Variants in SPTLC2 observed in about 807,000 individuals in gnomAD.
SPTLC2 encodes the protein serine palmitoyltransferase 2.
Under a neutral mutation model 62.0 loss-of-function variants are expected in SPTLC2, and 21 were observed. That is an observed-to-expected ratio of 0.34 (90% CI 0.24 to 0.49). The LOEUF (loss-of-function observed/expected upper bound fraction) is 0.49, where lower values mean the gene tolerates loss of function less well. SPTLC2 is among the 20% of genes least tolerant of loss of function. The pLI is 0.99. For synonymous variants in SPTLC2, 261 were observed against 261.8 expected (o/e 1.00, Z 0.03); for missense variants, 511 against 713.0 (o/e 0.72, Z 3.23).
intron 11 of SPTLC2, among the ~76,000 whole-genome samples, chr14:77,513,517 ATTTAAG>A (rs745476059): frequency 6.6e-6 from 1 of 152,190 alleles, no homozygotes; most frequent in Non-Finnish European, 1.5e-5. Flanking sequence ...CATGGAAACA[ATTTAAG>A]TCTGAAATTA....
chr14:77,534,608 T>A (rs4903597), intron 9 of SPTLC2, among the ~76,000 whole-genome samples: 2 of 67,994 alleles, frequency 2.9e-5, no homozygotes, highest in African/African-American at 1.5e-4. Flanking sequence ...CACACACATA[T>A]GCTAAACATA....
intron 6 of SPTLC2, among the ~76,000 whole-genome samples, chr14:77,559,118 G>A (rs966692422): frequency 6.6e-6 from 1 of 152,014 alleles, no homozygotes; most frequent in East Asian, 1.9e-4. Context: ...TCAGGAGTTC[G>A]AGACCAGACT....
chr14:77,512,474 T>C, intron 11 of SPTLC2, 71 bp from the exon 12 acceptor site: 1 of 1,608,600 alleles, frequency 6.2e-7, no homozygotes, highest in Non-Finnish European at 8.5e-7. Flanking sequence ...TGTTTTACTT[T>C]GCTAAAAACA....
At position 77,511,887 on chromosome 14, in the gene SPTLC2, C is replaced by A. The variant is rs140766311; in HGVS notation, c.*397G>T. 2.4e-3 allele frequency: 671 copies of A among 280,952 alleles called. 2 individuals are homozygous for A. The highest frequency in any genetic ancestry group is 0.014 in the African/African-American group (636 of 45,652). 17.4% of individuals were successfully genotyped at this position (280,952 alleles called of 1,614,324 possible). A position where few individuals can be genotyped will look rare whatever the true frequency, so the allele number is the denominator to read the frequency against. The stretch of plus-strand genomic sequence containing the variant: ...CTAGGGAGGAGGGCCAGGTAAGTAT[C>A]CAGGCTGCGGAGCCAGGGCCAGCAG... On this transcript the variant is annotated 3_prime_UTR_variant, in exon 12 of 12. Coordinates refer to ENST00000216484, the MANE Select transcript of SPTLC2 (RefSeq NM_004863.4).
At chr14:77,556,974 T>C in intron 7 of SPTLC2, 67 bp downstream of exon 7, 1 of 1,310,496 alleles carries the variant, frequency 7.6e-7, no homozygotes, top group East Asian at 2.3e-5. Context: ...AATGTTCCCT[T>C]CAGTTAAAAA....
intron 5 of SPTLC2, among the ~76,000 whole-genome samples, chr14:77,563,033 C>T (rs1006067777): frequency 6.6e-6 from 1 of 152,064 alleles, no homozygotes; most frequent in Non-Finnish European, 1.5e-5. Flanking sequence ...CTTTAACACA[C>T]AAACATCAGT....
intron 9 of SPTLC2, among the ~76,000 whole-genome samples, chr14:77,539,804 T>C (rs2079490707): frequency 6.6e-6 from 1 of 152,184 alleles, no homozygotes; most frequent in South Asian, 2.1e-4. Context: ...AAGAGGCTTT[T>C]GAAGCTATAT....
intron 5 of SPTLC2, among the ~76,000 whole-genome samples, chr14:77,567,231 C>T (rs1452314342): frequency 6.6e-6 from 1 of 152,182 alleles, no homozygotes; most frequent in Non-Finnish European, 1.5e-5. Context: ...GCTGGGATTA[C>T]AGGCGTGAGC....
chr14:77,595,842 C>T (rs1354493296), intron 2 of SPTLC2, among the ~76,000 whole-genome samples: 1 of 152,148 alleles, frequency 6.6e-6, no homozygotes, highest in Admixed American at 6.6e-5. Flanking sequence ...TGTCTTAAGT[C>T]CTTCTCTAAT....
At chr14:77,515,542 CTTTTTTTTTTTTT>C (rs71128633) in intron 11 of SPTLC2, among the ~76,000 whole-genome samples, 251 of 124,634 alleles carry the variant, frequency 2.0e-3, no homozygotes, top group East Asian at 1.9e-3. Flanking sequence ...AAGGGAAAGG[CTTTTTTTTTTTTT>C]TTTTTTTTTT....
Position 77,611,259 on chromosome 14 carries a change from C to T in SPTLC2, c.132+5189G>A, listed in dbSNP as rs1322355921. On this transcript the variant is annotated intron_variant, in intron 1 of 11. Transcript: ENST00000216484. ...TAGAGCTTGCAGTGAGCCAAGATCG[C>T]GCCACTGCACTCCAGCCTGGGTGAC... Among the ~76,000 whole-genome samples the T allele has an allele frequency of 4.0e-5, 6 of 150,460 alleles. No homozygotes were observed. The South Asian group carries it at 8.4e-4, about 21-fold the overall frequency.
intron 8 of SPTLC2, 68 bp from the exon 9 acceptor site, chr14:77,552,290 C>T: frequency 6.3e-7 from 1 of 1,582,726 alleles, no homozygotes; most frequent in Non-Finnish European, 8.6e-7. Context: ...CAGTCCTTTC[C>T]TTCTAAGTTC....
At chr14:77,604,057 A>G (rs1007748056) in intron 1 of SPTLC2, among the ~76,000 whole-genome samples, 4 of 152,194 alleles carry the variant, frequency 2.6e-5, no homozygotes, top group Admixed American at 2.6e-4. Flanking sequence ...TGGAGAGGCA[A>G]TCCGGTTTGT....
rs11159276 is a variant in SPTLC2, at chr14:77,562,059, G to A, written c.850+337C>T. On this transcript the variant is annotated intron_variant, in intron 6 of 11. Coordinates refer to ENST00000216484, the MANE Select transcript of SPTLC2 (RefSeq NM_004863.4). ...ACTGGCTTATCTATTAAGTCTCTTC[G>A]TTAACCAGTCAGAGATCTTGATTTA... 6.0e-3 allele frequency among the ~76,000 whole-genome samples: 909 copies of A among 152,140 alleles called. 11 individuals carry two copies. Among genetic ancestry groups the A allele is most frequent in the African/African-American group, 0.021 (875 of 41,494 alleles).
At chr14:77,516,239 AATCTTAT>A (rs1321389923) in intron 11 of SPTLC2, among the ~76,000 whole-genome samples, 1 of 152,206 alleles carries the variant, frequency 6.6e-6, no homozygotes, top group African/African-American at 2.4e-5. Flanking sequence ...CCCTCAAGAG[AATCTTAT>A]GAAAAGGATT....
intron 9 of SPTLC2, among the ~76,000 whole-genome samples, chr14:77,551,564 A>G (rs1179099268): frequency 1.3e-5 from 2 of 152,182 alleles, no homozygotes; most frequent in African/African-American, 4.8e-5. Context: ...CAGAAAGTGA[A>G]CACTGAACTT....
chr14:77,529,469 A>C (rs2079426000), intron 9 of SPTLC2, among the ~76,000 whole-genome samples: 1 of 151,532 alleles, frequency 6.6e-6, no homozygotes, highest in South Asian at 2.1e-4. Context: ...GTCAAAGCAA[A>C]CTACGTTTTC....
At chr14:77,525,800 G>A (rs1038078162) in intron 9 of SPTLC2, among the ~76,000 whole-genome samples, 1 of 152,158 alleles carries the variant, frequency 6.6e-6, no homozygotes, top group African/African-American at 2.4e-5. Flanking sequence ...TGTAGTCCCA[G>A]CTACCTGGGA....
intron 10 of SPTLC2, 110 bp downstream of exon 10, chr14:77,521,335 GT>G: frequency 1.5e-6 from 2 of 1,365,564 alleles, no homozygotes; most frequent in Middle Eastern, 1.8e-4. Context: ...CCAAATGAAG[GT>G]TAACACAGTA....
Sources: gnomAD v4.1 joint callset for allele counts (sites outside exome capture counted in the v4.1 genomes callset) on GRCh38, gnomAD v4.1.1 for gene constraint, MANE v1.5 for transcripts, NCBI Gene and HGNC (gene_info 2026-07-23, HGNC 2026-07-21) for gene names.